Variants in SQLE observed in about 807,000 individuals in gnomAD.
SQLE encodes the protein squalene monooxygenase.
Under a neutral mutation model 60.7 loss-of-function variants are expected in SQLE, and 29 were observed. The observed-to-expected ratio is 0.48, with a 90% CI of 0.36 to 0.65. The LOEUF is 0.65. Ranked by LOEUF, SQLE falls within the 30% of genes least tolerant of loss-of-function variation. The probability of loss-of-function intolerance (pLI) is 0.00; values close to 1 mark genes in which losing one functional copy is unlikely to be tolerated. For synonymous variants in SQLE, 237 were observed against 246.8 expected (o/e 0.96, Z 0.37); for missense variants, 605 against 684.1 (o/e 0.88, Z 1.29).
chr8:125,015,634 G>A (rs1338478054), intron 7 of SQLE, among the ~76,000 whole-genome samples: 1 of 152,056 alleles, frequency 6.6e-6, no homozygotes, highest in African/African-American at 2.4e-5. Context: ...TTCCACAAAC[G>A]AGCAGAGAAA....
At position 125,020,840 on chromosome 8, in the gene SQLE, T is replaced by C; in HGVS notation, c.1501T>C (p.Cys501Arg). ...CFLYFKLGGE[C>R]VAGPVGLLSV... is the part of the protein sequence containing the mutation. ...TCTTTATTTCAAACTTGGTGGCGAATGTGTTGCGGGTCCTGTTGGGCTGCT... is the reference window on the plus strand; with the variant it reads ...TCTTTATTTCAAACTTGGTGGCGAACGTGTTGCGGGTCCTGTTGGGCTGCT... The change falls in exon 10 of 11, where the codon TGT (cysteine) becomes CGT (arginine). Residue 501 changes from cysteine (C) to arginine (R), a missense_variant. By Grantham distance (180) the Cys-to-Arg change is radical. Coordinates refer to ENST00000265896, the MANE Select transcript of SQLE (RefSeq NM_003129.4). 1 of 1,613,552 alleles carries C rather than the reference T, an allele frequency of 6.2e-7. No individual in the cohort carries two copies. Among genetic ancestry groups the C allele is most frequent in the Non-Finnish European group, 8.5e-7 (1 of 1,179,600 alleles).
intron 10 of SQLE, among the ~76,000 whole-genome samples, chr8:125,021,435 TAAAC>T (rs780058323): frequency 1.1e-3 from 159 of 146,410 alleles, no homozygotes; most frequent in Admixed American, 2.9e-3. Flanking sequence ...TCAGGATGAG[TAAAC>T]AAACAGCTAA....
intron 1 of SQLE, 174 bp downstream of exon 1, chr8:124,999,868 T>A: frequency 1.2e-6 from 1 of 834,234 alleles, no homozygotes; most frequent in Non-Finnish European, 1.9e-6. Flanking sequence ...TTGACCTTCT[T>A]AAGAATGAGT....
At chr8:125,018,944 A>G (rs577171970) in intron 9 of SQLE, 8 of 493,802 alleles carry the variant, frequency 1.6e-5, no homozygotes, top group African/African-American at 1.4e-4. Context: ...ATTAATAGCA[A>G]TGCCTCAGTA....
At chr8:125,010,833 T>C (rs567890068) in intron 6 of SQLE, 1 of 152,208 alleles carries the variant, frequency 6.6e-6, no homozygotes, top group Non-Finnish European at 1.5e-5. Flanking sequence ...CCTGAAATTA[T>C]GGAGAGAAAC....
chr8:125,011,183 A>C (rs1193641163), intron 6 of SQLE: 3 of 163,104 alleles, frequency 1.8e-5, no homozygotes, highest in Non-Finnish European at 4.0e-5. Flanking sequence ...ATTGATTATA[A>C]TACATTAAAT....
chr8:125,017,079 C>T (rs1393053932), intron 7 of SQLE, among the ~76,000 whole-genome samples: 1 of 152,048 alleles, frequency 6.6e-6, no homozygotes, highest in East Asian at 1.9e-4. Flanking sequence ...GAAGCCAGTA[C>T]AGCACTGGGT....
At position 125,005,629 on chromosome 8, in the gene SQLE, C is replaced by G. The variant is rs774878932; in HGVS notation, c.649C>G (p.Gln217Glu). The stretch of plus-strand genomic sequence containing the variant: ...TCCTTACCCTCTGTCAGAAAACAAT[C>G]AAGTGCAGAGTGGAAGAGCTTTCCA... ...QIPYPLSENN[Q>E]VQSGRAFHHG... The change falls in exon 3 of 11, where the codon CAA (glutamine) becomes GAA (glutamate). Residue 217 changes from glutamine (Q) to glutamate (E), a missense_variant. Transcript: ENST00000265896. 2.5e-6 allele frequency: 4 copies of G among 1,611,784 alleles called. No individual in the cohort carries two copies. Among genetic ancestry groups the G allele is most frequent in the Non-Finnish European group, 2.5e-6 (3 of 1,178,604 alleles).
intron 8 of SQLE, 87 bp downstream of exon 8, chr8:125,018,288 T>C: frequency 1.5e-6 from 2 of 1,361,460 alleles, no homozygotes; most frequent in East Asian, 4.6e-5. Flanking sequence ...GGGAGATCTG[T>C]ACTAAGGAAC....
chr8:124,998,619 C>T lies in SQLE; in HGVS notation c.-785C>T, dbSNP rs1327956772. On this transcript the variant is annotated 5_prime_UTR_variant, in exon 1 of 11. Transcript: ENST00000265896. The stretch of plus-strand genomic sequence containing the variant: ...CGAGGGATGCTGGTGAGGAAGCCGT[C>T]GGGAGCCGCCGCCGCCATCTGAGGG... 1 of 683,636 alleles carries T rather than the reference C, an allele frequency of 1.5e-6. No individual in the cohort carries two copies. The highest frequency in any genetic ancestry group is 2.7e-6 in the Non-Finnish European group (1 of 376,148). The allele number at this position is 683,636 out of a possible 1,614,324, so 42.3% of individuals were successfully genotyped here.
chr8:125,019,813 A>G (rs541390621), intron 9 of SQLE, among the ~76,000 whole-genome samples: 4 of 152,266 alleles, frequency 2.6e-5, no homozygotes, highest in South Asian at 2.1e-4. Flanking sequence ...AGATGATACA[A>G]TAAAAATGCT....
intron 1 of SQLE, 44 bp downstream of exon 1, chr8:124,999,738 G>A (rs1308232176): frequency 6.6e-7 from 1 of 1,521,984 alleles, no homozygotes; most frequent in Non-Finnish European, 8.8e-7. Context: ...TTATTTAGGA[G>A]TAGGATTGGG....
chr8:125,003,352 A>G lies in SQLE; in HGVS notation c.468A>G (p.Leu156=). 1 of 1,613,978 alleles carries G rather than the reference A, an allele frequency of 6.2e-7. No homozygotes were observed. Among genetic ancestry groups the G allele is most frequent in the South Asian group, 1.1e-5 (1 of 91,074 alleles). ...GRKVTVIERD[L]KEPDRIVGEF... ...AGGTGACAGTCATTGAGAGAGACTTAAAAGAGCCTGACAGAATAGTTGGAG... is the reference window on the plus strand; with the variant it reads ...AGGTGACAGTCATTGAGAGAGACTTGAAAGAGCCTGACAGAATAGTTGGAG... Residue 156 remains leucine, a synonymous_variant, in exon 2 of 11, where the codon TTA becomes TTG. Transcript: ENST00000265896.
At chr8:125,020,757 T>G (rs777446229) in intron 9 of SQLE, 27 bp from the exon 10 acceptor site, 2 of 1,448,750 alleles carry the variant, frequency 1.4e-6, no homozygotes, top group Non-Finnish European at 1.9e-6. Context: ...TGTACACATA[T>G]TTGATTATTT....
At position 125,011,235 on chromosome 8, in the gene SQLE, AGGT is replaced by A. The variant is rs974587694; in HGVS notation, c.1109-298_1109-296del. On this transcript the variant is annotated intron_variant, in intron 6 of 10. Coordinates refer to ENST00000265896, the MANE Select transcript of SQLE (RefSeq NM_003129.4). ...GTCTGTTAACATTTGGAAGAAAGGTAGGTGGTTTTCTCCCTGTTTCATTTCATC... is the reference window on the plus strand; with the variant it reads ...GTCTGTTAACATTTGGAAGAAAGGTAGGTTTTCTCCCTGTTTCATTTCATC... 25 of 201,344 alleles carry A rather than the reference AGGT, an allele frequency of 1.2e-4. 1 individual carries two copies. The South Asian group carries it at 2.2e-3, about 17-fold the overall frequency. The allele number at this position is 201,344 out of a possible 1,614,324, so 12.5% of individuals were successfully genotyped here. A position where few individuals can be genotyped will look rare whatever the true frequency, so the allele number is the denominator to read the frequency against.
rs1815079624 is a variant in SQLE at position 125,014,270 on chromosome 8, C to G, written c.1204+2638C>G. The stretch of plus-strand genomic sequence containing the variant: ...AGGTTTCTGGCTTAGATAGTTTTGC[C>G]AGCCATTTGCTGACATAGGAACAGG... On this transcript the variant is annotated intron_variant, in intron 7 of 10. Transcript: ENST00000265896. 3.9e-5 allele frequency among the ~76,000 whole-genome samples: 6 copies of G among 152,264 alleles called. No individual in the cohort carries two copies. The South Asian group carries it at 1.2e-3, about 32-fold the overall frequency.
intron 7 of SQLE, among the ~76,000 whole-genome samples, chr8:125,013,303 G>T (rs1053805656): frequency 1.3e-4 from 20 of 151,038 alleles, no homozygotes; most frequent in African/African-American, 4.6e-4. Context: ...TCATATTTAG[G>T]AAGGCTTTGT....
Position 125,009,316 on chromosome 8 carries a change from G to T in SQLE, c.1081G>T (p.Val361Phe), listed in dbSNP as rs750970779. Residue 361 changes from valine (V) to phenylalanine (F), a missense_variant, in exon 6 of 11, where the codon GTT (valine) becomes TTT (phenylalanine). Physicochemically the swap from Val to Phe is conservative, Grantham distance 50. Coordinates refer to ENST00000265896, the MANE Select transcript of SQLE (RefSeq NM_003129.4). ...GCCAAGGAATTTAAGAGAATACATG[G>T]TTGAAAAAATTTACCCACAAATACC... is the stretch of plus-strand genomic sequence containing the variant. Reference protein sequence around the residue: ...EMPRNLREYMVEKIYPQIPDH... With the variant: ...EMPRNLREYMFEKIYPQIPDH... 6.2e-7 allele frequency: 1 copy of T among 1,612,058 alleles called. No individual in the cohort carries two copies. Among genetic ancestry groups the T allele is most frequent in the South Asian group, 1.1e-5 (1 of 90,542 alleles).
chr8:125,003,070 T>G, intron 1 of SQLE, 106 bp from the exon 2 acceptor site: 3 of 1,034,944 alleles, frequency 2.9e-6, no homozygotes. Flanking sequence ...ATATTTAGTA[T>G]CTAGCTTTAG....
Sources: gnomAD v4.1 joint callset for allele counts (sites outside exome capture counted in the v4.1 genomes callset) on GRCh38, gnomAD v4.1.1 for gene constraint, MANE v1.5 for transcripts, NCBI Gene and HGNC (gene_info 2026-07-23, HGNC 2026-07-21) for gene names.